The following ZNF420 variants were observed in gnomAD, a reference collection of about 807,000 sequenced individuals.
ZNF420 encodes the protein ATM and p53-associated KZNF protein.
Under a neutral mutation model 44.7 loss-of-function variants are expected in ZNF420, and 31 were observed. The ratio of observed to expected loss-of-function variants is 0.69; its 90% CI spans 0.52 to 0.94. The LOEUF (loss-of-function observed/expected upper bound fraction) is 0.94, where lower values mean the gene tolerates loss of function less well. ZNF420 is among the 40% of genes least tolerant of loss of function. ZNF420 has a pLI of 0.00. For missense variants in ZNF420, 681 were observed against 827.9 expected (o/e 0.82, Z 2.18); for synonymous variants, 245 against 267.4 (o/e 0.92, Z 0.82).
intron 1 of ZNF420, among the ~76,000 whole-genome samples, chr19:37,022,663 T>C (rs1285784873): frequency 6.6e-6 from 1 of 152,236 alleles, no homozygotes; most frequent in East Asian, 1.9e-4. Flanking sequence ...TAATATTTAT[T>C]GAACATAACA....
chr19:37,022,400 G>T (rs2074656472), intron 1 of ZNF420, among the ~76,000 whole-genome samples: 1 of 151,972 alleles, frequency 6.6e-6, no homozygotes, highest in African/African-American at 2.4e-5. Context: ...TTAAAAATTT[G>T]TACATCTGAA....
intron 4 of ZNF420, among the ~76,000 whole-genome samples, chr19:37,095,235 C>T (rs1300980232): frequency 6.6e-6 from 1 of 151,868 alleles, no homozygotes; most frequent in Non-Finnish European, 1.5e-5. Flanking sequence ...GTATTTCTGC[C>T]TGTTTTGGTA....
chr19:37,079,291 A>G (rs941016376), intron 1 of ZNF420, among the ~76,000 whole-genome samples: 1 of 152,118 alleles, frequency 6.6e-6, no homozygotes, highest in Non-Finnish European at 1.5e-5. Flanking sequence ...TTATGTGGCC[A>G]TTTGTATATT....
intron 1 of ZNF420, among the ~76,000 whole-genome samples, chr19:37,024,729 C>T (rs377145971): frequency 8.5e-5 from 13 of 152,104 alleles, no homozygotes; most frequent in African/African-American, 2.7e-4. Context: ...GAATGACAGG[C>T]GTGAGCCACC....
intron 1 of ZNF420, among the ~76,000 whole-genome samples, chr19:37,021,399 C>T (rs1023606249): frequency 6.6e-6 from 1 of 152,128 alleles, no homozygotes; most frequent in African/African-American, 2.4e-5. Flanking sequence ...TTCCAAATAG[C>T]TAGGATTACA....
chr19:37,021,391 C>G (rs1373900846), intron 1 of ZNF420, among the ~76,000 whole-genome samples: 1 of 152,158 alleles, frequency 6.6e-6, no homozygotes, highest in Non-Finnish European at 1.5e-5. Context: ...CCTCAGCCTT[C>G]CAAATAGCTA....
intron 2 of ZNF420, 127 bp from the exon 3 acceptor site, chr19:37,088,912 G>A: frequency 1.8e-6 from 1 of 569,218 alleles, no homozygotes; most frequent in Non-Finnish European, 3.2e-6. Context: ...ACATATGTCT[G>A]TCCCCCTTAG....
chr19:37,039,033 A>C (rs1599609802), intron 1 of ZNF420, among the ~76,000 whole-genome samples: 1 of 151,978 alleles, frequency 6.6e-6, no homozygotes, highest in East Asian at 1.9e-4. Flanking sequence ...CAATTCACTC[A>C]CATCTTCAGG....
At chr19:37,051,949 G>C (rs956828793) in intron 1 of ZNF420, among the ~76,000 whole-genome samples, 2 of 151,698 alleles carry the variant, frequency 1.3e-5, no homozygotes, top group African/African-American at 4.8e-5. Flanking sequence ...CAAAGAACAT[G>C]TTGACAGTGG....
At chr19:37,055,494 A>G (rs1967726296) in intron 1 of ZNF420, among the ~76,000 whole-genome samples, 2 of 152,106 alleles carry the variant, frequency 1.3e-5, no homozygotes, top group Non-Finnish European at 2.9e-5. Context: ...CCGCTACTCC[A>G]TCAACACTCC....
At position 37,044,377 on chromosome 19, in the gene ZNF420, G is replaced by A. The variant is rs760047010; in HGVS notation, c.-124-35968G>A. Among the ~76,000 whole-genome samples, 52 of 152,118 alleles carry A rather than the reference G, an allele frequency of 3.4e-4. 1 individual carries two copies. The highest frequency in any genetic ancestry group is 3.1e-3 in the Admixed American group (48 of 15,264). ...GTAAAAACAAACAAAACCGAGGATC[G>A]GTGGGTGGCAGGGAGCAGATCAACC... On this transcript the variant is annotated intron_variant, in intron 1 of 4. Transcript: ENST00000587029.
intron 1 of ZNF420, among the ~76,000 whole-genome samples, chr19:37,017,943 TAATAA>T (rs1277619340): frequency 6.6e-6 from 1 of 151,852 alleles, no homozygotes; most frequent in East Asian, 1.9e-4. Context: ...AAAAAACAAC[TAATAA>T]AATGAATTCA....
chr19:37,088,133 C>T lies in ZNF420; in HGVS notation c.-80-906C>T, dbSNP rs1968937429. ...TAACTGAATGAGTATGGACGTATTC[C>T]AATAAAACCTTATTTACAAAATTAG... On this transcript the variant is annotated intron_variant, in intron 2 of 4. Transcript: ENST00000337995. Among the ~76,000 whole-genome samples the T allele has an allele frequency of 2.0e-5, 3 of 152,252 alleles. No individual in the cohort carries two copies. In the South Asian group the frequency reaches 6.2e-4, roughly 32 times the overall value.
intron 1 of ZNF420, among the ~76,000 whole-genome samples, chr19:37,036,527 C>T (rs1456513661): frequency 6.6e-6 from 1 of 152,210 alleles, no homozygotes; most frequent in African/African-American, 2.4e-5. Context: ...AGATCCAGCC[C>T]TCCACCCCTT....
At chr19:37,010,451 G>A (rs1437625950) in intron 1 of ZNF420, among the ~76,000 whole-genome samples, 2 of 152,062 alleles carry the variant, frequency 1.3e-5, no homozygotes, top group South Asian at 2.1e-4. Flanking sequence ...GCAGAACCCC[G>A]CAGCCTCAGG....
chr19:37,065,455 T>G (rs1967953641), intron 1 of ZNF420, among the ~76,000 whole-genome samples: 2 of 152,250 alleles, frequency 1.3e-5, no homozygotes, highest in Admixed American at 6.5e-5. Flanking sequence ...TTTGAAGGAC[T>G]TGACCCTCTA....
At position 37,035,468 on chromosome 19, in the gene ZNF420, G is replaced by A. The variant is rs1377431036; in HGVS notation, c.-125+27386G>A. Among the ~76,000 whole-genome samples the A allele has an allele frequency of 1.1e-4, 16 of 152,256 alleles. No individual in the cohort carries two copies. The South Asian group carries it at 3.1e-3, about 30-fold the overall frequency. On this transcript the variant is annotated intron_variant, in intron 1 of 4. Coordinates refer to the ZNF420 transcript ENST00000587029. ...CCCATCTTGCCCTCCCAAAATGCTGGGATTACAGGCGTTGGCCACCACGCC... is the reference window on the plus strand; with the variant it reads ...CCCATCTTGCCCTCCCAAAATGCTGAGATTACAGGCGTTGGCCACCACGCC...
chr19:37,048,338 GATT>G (rs1429122581), intron 1 of ZNF420, among the ~76,000 whole-genome samples: 2 of 152,166 alleles, frequency 1.3e-5, no homozygotes, highest in Non-Finnish European at 2.9e-5. Context: ...ATTAATTCAT[GATT>G]ATTTTCTTAA....
chr19:37,093,367 C>T (rs935198424), intron 4 of ZNF420, among the ~76,000 whole-genome samples: 11 of 152,134 alleles, frequency 7.2e-5, no homozygotes, highest in Admixed American at 2.6e-4. Context: ...GGATTACAGG[C>T]ACCTGCCACC....
Sources: allele counts gnomAD v4.1 joint callset (sites outside exome capture counted in the v4.1 genomes callset), GRCh38; gene constraint gnomAD v4.1.1; transcripts MANE v1.5; gene names NCBI Gene and HGNC (gene_info 2026-07-23, HGNC 2026-07-21).